Variants in LRRC7 observed in about 807,000 individuals in gnomAD.
LRRC7 encodes leucine rich repeat containing 7, also known as leucine-rich repeat-containing protein 7.
LRRC7 carries 23 observed loss-of-function variants against 175.7 expected under a neutral mutation model. The observed-to-expected ratio is 0.13, with a 90% CI of 0.09 to 0.19. LRRC7 has a LOEUF of 0.19. Ranked by LOEUF, LRRC7 falls within the 10% of genes least tolerant of loss-of-function variation. LRRC7 has a pLI of 1.00. For missense variants in LRRC7, 1,354 were observed against 1,904.7 expected, an observed-to-expected ratio of 0.71 and a Z score of 5.38; for synonymous variants, 685 against 680.9, an observed-to-expected ratio of 1.01 and a Z score of -0.09.
intron 2 of LRRC7, among the ~76,000 whole-genome samples, chr1:69,700,301 C>A (rs1663180537): frequency 6.6e-6 from 1 of 152,142 alleles, no homozygotes; most frequent in Non-Finnish European, 1.5e-5. Flanking sequence ...TTGGAAGCAA[C>A]AGTAAGTATT....
chr1:69,677,054 T>G (rs1037923232), intron 1 of LRRC7, among the ~76,000 whole-genome samples: 4 of 151,818 alleles, frequency 2.6e-5, no homozygotes, highest in African/African-American at 7.3e-5. Flanking sequence ...TGTTCCTGAG[T>G]TACTTCATTT....
intron 1 of LRRC7, among the ~76,000 whole-genome samples, chr1:69,631,764 C>G (rs1277545578): frequency 6.6e-6 from 1 of 152,056 alleles, no homozygotes; most frequent in African/African-American, 2.4e-5. Flanking sequence ...CCTAAAAGCC[C>G]GATCTCTACC....
intron 8 of LRRC7, among the ~76,000 whole-genome samples, chr1:69,968,551 A>G (rs1651894267): frequency 6.6e-6 from 1 of 152,190 alleles, no homozygotes; most frequent in Non-Finnish European, 1.5e-5. Flanking sequence ...GCTGTGAGGC[A>G]AAAACACCAG....
chr1:69,850,993 A>G (rs1362311044), intron 7 of LRRC7, among the ~76,000 whole-genome samples: 1 of 152,124 alleles, frequency 6.6e-6, no homozygotes, highest in African/African-American at 2.4e-5. Context: ...TAGTTTGAGC[A>G]TGGAAAAGGA....
At chr1:69,906,684 C>A (rs1646325039) in intron 7 of LRRC7, among the ~76,000 whole-genome samples, 1 of 152,100 alleles carries the variant, frequency 6.6e-6, no homozygotes, top group Admixed American at 6.5e-5. Flanking sequence ...AGTTTGAAGT[C>A]AGGTAGCGTG....
At position 69,999,727 on chromosome 1, in the gene LRRC7, A is replaced by C. The variant is rs144188495; in HGVS notation, c.1004+5094A>C. 2.0e-5 allele frequency among the ~76,000 whole-genome samples: 3 copies of C among 152,240 alleles called. No individual in the cohort carries two copies. In the East Asian group the frequency reaches 5.8e-4, roughly 29 times the overall value. On this transcript the variant is annotated intron_variant, in intron 11 of 26. Transcript: ENST00000651989. The stretch of plus-strand genomic sequence containing the variant: ...TATGTGAATTGACAAGAGGGCGACC[A>C]GCATGAGAGATGTGGAACTGTGATT...
At chr1:69,646,238 T>C (rs1434711935) in intron 1 of LRRC7, among the ~76,000 whole-genome samples, 1 of 152,098 alleles carries the variant, frequency 6.6e-6, no homozygotes, top group East Asian at 1.9e-4. Flanking sequence ...TTATTTTACT[T>C]TATTATTTTT....
intron 7 of LRRC7, among the ~76,000 whole-genome samples, chr1:69,910,186 C>T (rs969088660): frequency 1.3e-5 from 2 of 152,014 alleles, no homozygotes; most frequent in Non-Finnish European, 1.5e-5. Flanking sequence ...TCTCTCAGCT[C>T]GTCAAAGTCA....
intron 3 of LRRC7, among the ~76,000 whole-genome samples, chr1:69,778,132 T>C (rs1673026333): frequency 6.6e-6 from 1 of 152,226 alleles, no homozygotes; most frequent in Non-Finnish European, 1.5e-5. Flanking sequence ...CTTTGATTCA[T>C]CTCAACTGTC....
At chr1:69,755,783 G>T (rs1207256722) in intron 2 of LRRC7, among the ~76,000 whole-genome samples, 7 of 151,804 alleles carry the variant, frequency 4.6e-5, no homozygotes, top group Admixed American at 1.3e-4. Flanking sequence ...CAGGCAGAAG[G>T]CCAGAATATT....
At chr1:69,689,656 A>G (rs906788521) in intron 2 of LRRC7, among the ~76,000 whole-genome samples, 3 of 152,122 alleles carry the variant, frequency 2.0e-5, no homozygotes, top group African/African-American at 7.2e-5. Flanking sequence ...ACTATTACTA[A>G]GTTTTACAAC....
At position 69,836,229 on chromosome 1, in the gene LRRC7, T is replaced by A. The variant is rs557094317; in HGVS notation, c.590+1360T>A. The stretch of plus-strand genomic sequence containing the variant: ...CACATCAACCTTTCCCAGATTCCCT[T>A]ACTTTTGCAGATCACGACATCACTA... On this transcript the variant is annotated intron_variant, in intron 6 of 26. Coordinates refer to ENST00000651989, the MANE Select transcript of LRRC7 (RefSeq NM_001370785.2). Among the ~76,000 whole-genome samples, 4 of 152,102 alleles carry A rather than the reference T, an allele frequency of 2.6e-5. No homozygotes were observed. The South Asian group carries it at 8.3e-4, about 32-fold the overall frequency.
At chr1:69,761,293 A>T (rs1173065167) in intron 3 of LRRC7, among the ~76,000 whole-genome samples, 4 of 152,076 alleles carry the variant, frequency 2.6e-5, no homozygotes, top group Non-Finnish European at 4.4e-5. Context: ...ATGTATATTA[A>T]ATATGCAGTA....
intron 8 of LRRC7, among the ~76,000 whole-genome samples, chr1:69,952,852 CA>C (rs1443185557): frequency 1.3e-5 from 2 of 151,700 alleles, no homozygotes; most frequent in African/African-American, 2.4e-5. Context: ...CTTTGGAGAA[CA>C]AAACAACCTC....
intron 11 of LRRC7, among the ~76,000 whole-genome samples, chr1:69,999,324 A>G (rs557577725): frequency 1.3e-5 from 2 of 152,340 alleles, no homozygotes; most frequent in African/African-American, 4.8e-5. Flanking sequence ...ACTGAGAATT[A>G]GAGCATCTAT....
intron 2 of LRRC7, among the ~76,000 whole-genome samples, chr1:69,721,266 C>T (rs1280453835): frequency 6.6e-6 from 1 of 151,786 alleles, no homozygotes; most frequent in Admixed American, 6.6e-5. Context: ...GGTTTTACTC[C>T]TGGTGTTGTA....
At chr1:69,903,432 G>A (rs546354363) in intron 7 of LRRC7, among the ~76,000 whole-genome samples, 77 of 152,216 alleles carry the variant, frequency 5.1e-4, no homozygotes, top group Non-Finnish European at 8.7e-4. Flanking sequence ...CGTGAGGGAC[G>A]GTGCACTCTG....
intron 7 of LRRC7, among the ~76,000 whole-genome samples, chr1:69,906,327 C>T (rs1646309819): frequency 6.6e-6 from 1 of 152,120 alleles, no homozygotes; most frequent in Admixed American, 6.5e-5. Context: ...GACATGAAGT[C>T]CTTGCCCTTG....
At chr1:70,079,183 T>C (rs748269128) in intron 24 of LRRC7, among the ~76,000 whole-genome samples, 3 of 152,200 alleles carry the variant, frequency 2.0e-5, no homozygotes, top group Non-Finnish European at 4.4e-5. Flanking sequence ...ATTTAAAACA[T>C]GTAAAGACTT....
Sources: gnomAD v4.1 joint callset for allele counts (sites outside exome capture counted in the v4.1 genomes callset) on GRCh38, gnomAD v4.1.1 for gene constraint, MANE v1.5 for transcripts, NCBI Gene and HGNC (gene_info 2026-07-23, HGNC 2026-07-21) for gene names.